PTPRE: variants seen among roughly 807,000 people sequenced by gnomAD.
PTPRE encodes the protein receptor-type tyrosine-protein phosphatase epsilon.
In PTPRE, 51 loss-of-function variants were observed where a neutral mutation model predicts 102.0. The ratio of observed to expected loss-of-function variants is 0.50; its 90% confidence interval spans 0.40 to 0.63. The LOEUF is 0.63. Ranked by LOEUF, PTPRE falls within the 30% of genes least tolerant of loss-of-function variation. The pLI, the probability that PTPRE is intolerant of heterozygous loss-of-function variation, is 0.00. For missense variants in PTPRE, 752 were observed against 915.1 expected (o/e 0.82, Z 2.30); for synonymous variants, 345 against 348.2 (o/e 0.99, Z 0.10).
At chr10:128,026,906 G>A in intron 2 of PTPRE, among the ~76,000 whole-genome samples, 1 of 152,194 alleles carries the variant, frequency 6.6e-6, no homozygotes, top group Middle Eastern at 3.2e-3. Flanking sequence ...TTGAAGCTTG[G>A]AAAATGTCTG....
chr10:128,017,634 T>C (rs922880296), intron 2 of PTPRE, among the ~76,000 whole-genome samples: 1 of 152,082 alleles, frequency 6.6e-6, no homozygotes, highest in African/African-American at 2.4e-5. Context: ...GTCCATACTC[T>C]ATGCCACTCT....
At chr10:128,075,737 A>G (rs1193213459) in intron 17 of PTPRE, among the ~76,000 whole-genome samples, 2 of 152,202 alleles carry the variant, frequency 1.3e-5, no homozygotes, top group East Asian at 3.8e-4. Flanking sequence ...AATATTGTTC[A>G]TTGTATAATT....
chr10:128,068,739 G>T (rs1051034060), intron 12 of PTPRE: 1 of 152,804 alleles, frequency 6.5e-6, no homozygotes, highest in South Asian at 2.0e-4. Context: ...CTGGAGACCA[G>T]GGTCCGAGGA....
At chr10:128,014,395 T>C (rs1845260106) in intron 2 of PTPRE, among the ~76,000 whole-genome samples, 1 of 152,156 alleles carries the variant, frequency 6.6e-6, no homozygotes, top group Non-Finnish European at 1.5e-5. Flanking sequence ...CTTCAGAAGA[T>C]GGGGGCAATT....
chr10:127,921,220 G>T (rs1288559826), intron 1 of PTPRE, among the ~76,000 whole-genome samples: 1 of 152,240 alleles, frequency 6.6e-6, no homozygotes, highest in Non-Finnish European at 1.5e-5. Flanking sequence ...CTAAGCACTT[G>T]GACATGTTAA....
chr10:128,026,659 G>T (rs972379433), intron 2 of PTPRE, among the ~76,000 whole-genome samples: 2 of 152,322 alleles, frequency 1.3e-5, no homozygotes, highest in Middle Eastern at 3.4e-3. Context: ...GTGTTTCAGT[G>T]ATTTTACATT....
At chr10:128,003,012 T>C (rs1854127465) in intron 2 of PTPRE, among the ~76,000 whole-genome samples, 1 of 152,174 alleles carries the variant, frequency 6.6e-6, no homozygotes, top group African/African-American at 2.4e-5. Flanking sequence ...ATATGTCTTA[T>C]GGATGTTGGG....
At position 128,070,180 on chromosome 10, in the gene PTPRE, C is replaced by T. The variant is rs1462685382; in HGVS notation, c.1144-121C>T. On this transcript the variant is annotated intron_variant, in intron 13 of 20. Coordinates refer to ENST00000254667, the MANE Select transcript of PTPRE (RefSeq NM_006504.6). The surrounding 1 kb of genome is among the most constrained non-coding windows in gnomAD (Gnocchi z 4.8). ...CCGGTACTCTGACTCTTGCCTCACACCTCCTTGTGTTGGCAAAAAGAGAAA... is the reference window on the plus strand; with the variant it reads ...CCGGTACTCTGACTCTTGCCTCACATCTCCTTGTGTTGGCAAAAAGAGAAA... The T allele has an allele frequency of 4.1e-6, 5 of 1,209,634 alleles. No individual in the cohort carries two copies. In the African/African-American group the frequency reaches 7.7e-5, roughly 19 times the overall value. The allele number at this position is 1,209,634 out of a possible 1,614,324, so 74.9% of individuals were successfully genotyped here.
chr10:127,961,138 G>T (rs1294007487), intron 1 of PTPRE, among the ~76,000 whole-genome samples: 3 of 152,172 alleles, frequency 2.0e-5, no homozygotes, highest in African/African-American at 7.2e-5. Flanking sequence ...GCTTTGCGAG[G>T]GGTCTTTCTC....
chr10:128,010,452 C>A (rs1310849050), intron 2 of PTPRE, among the ~76,000 whole-genome samples: 5 of 152,206 alleles, frequency 3.3e-5, no homozygotes, highest in Non-Finnish European at 5.9e-5. Context: ...AGAGACCATG[C>A]GGTTCCCAGC....
Position 127,907,119 on chromosome 10 carries a change from A to C in PTPRE, c.-221A>C. On this transcript the variant is annotated 5_prime_UTR_variant, in exon 1 of 21. Coordinates refer to ENST00000254667, the MANE Select transcript of PTPRE (RefSeq NM_006504.6). The surrounding 1 kb of genome is among the most constrained non-coding windows in gnomAD (Gnocchi z 4.8). ...CGGCCGGCCGGACAAATTTCCTGCT[A>C]GGCTGCGGACAGCGGGCGGCAGGAG... The C allele has an allele frequency of 3.6e-6, 1 of 281,562 alleles. No individual in the cohort carries two copies. Among genetic ancestry groups the C allele is most frequent in the Non-Finnish European group, 5.3e-6 (1 of 187,068 alleles). 17.4% of individuals were successfully genotyped at this position (281,562 alleles called of 1,614,324 possible).
chr10:127,997,541 A>G (rs1396255158), intron 2 of PTPRE, among the ~76,000 whole-genome samples: 2 of 152,256 alleles, frequency 1.3e-5, no homozygotes, highest in African/African-American at 4.8e-5. Flanking sequence ...ACATTCATGT[A>G]TATTTTAAAG....
intron 15 of PTPRE, chr10:128,071,792 T>C (rs1163422809): frequency 4.4e-5 from 9 of 203,102 alleles, no homozygotes; most frequent in Non-Finnish European, 8.0e-5. Context: ...GGCCCTTGGT[T>C]TTCTGGGGCC....
intron 2 of PTPRE, among the ~76,000 whole-genome samples, chr10:128,026,400 C>T (rs1231791685): frequency 6.6e-6 from 1 of 152,240 alleles, no homozygotes; most frequent in Non-Finnish European, 1.5e-5. Context: ...GGCACCTGAC[C>T]TCTCCCCAGT....
rs531693679 is a variant in PTPRE, at chr10:128,069,578, CA to C, written c.1008-107del. On this transcript the variant is annotated intron_variant, in intron 12 of 20. Transcript: ENST00000254667. ...CACTGTAGCTTTGCTCCTAATTAAC[CA>C]AAAAAACAAAAAGTTGCATCCAGTG... is the stretch of plus-strand genomic sequence containing the variant. 1.2e-5 allele frequency: 17 copies of C among 1,451,890 alleles called. No homozygotes were observed. In the South Asian group the frequency reaches 1.9e-4, roughly 17 times the overall value. 89.9% of individuals were successfully genotyped at this position (1,451,890 alleles called of 1,614,324 possible).
intron 7 of PTPRE, 63 bp from the exon 8 acceptor site, chr10:128,060,852 TGAAGAGACAGCACTGTGATTTCTG>T (rs1254676600): frequency 9.1e-6 from 12 of 1,325,714 alleles, no homozygotes; most frequent in African/African-American, 2.9e-5. Flanking sequence ...ACACTGCAGA[TGAAGAGACAGCACTGTGATTTCTG>T]GAAGAGACAG....
chr10:128,027,007 C>T (rs996155081), intron 2 of PTPRE, among the ~76,000 whole-genome samples: 1 of 152,146 alleles, frequency 6.6e-6, no homozygotes, highest in African/African-American at 2.4e-5. Flanking sequence ...ATCATATTGT[C>T]CTGATTTCAT....
intron 2 of PTPRE, among the ~76,000 whole-genome samples, chr10:127,993,918 C>T (rs778087786): frequency 4.6e-5 from 7 of 152,012 alleles, no homozygotes; most frequent in Non-Finnish European, 8.8e-5. Flanking sequence ...TTGGGGGAGT[C>T]TCAGTTGCTG....
At chr10:127,988,875 T>A (rs1264199002) in intron 2 of PTPRE, among the ~76,000 whole-genome samples, 1 of 152,166 alleles carries the variant, frequency 6.6e-6, no homozygotes, top group Non-Finnish European at 1.5e-5. Context: ...TTGGTAAAAA[T>A]TATTTAAAAT....
Sources: gnomAD v4.1 joint callset for allele counts (sites outside exome capture counted in the v4.1 genomes callset) on GRCh38, gnomAD v4.1.1 for gene constraint, Gnocchi (gnomAD v3.1) non-coding constraint, MANE v1.5 for transcripts, NCBI Gene and HGNC (gene_info 2026-07-23, HGNC 2026-07-21) for gene names.